Variants in IGSF9B observed in about 807,000 individuals in gnomAD.
IGSF9B encodes protein turtle homolog B.
Under a neutral mutation model 143.7 loss-of-function variants are expected in IGSF9B, and 48 were observed. That is an observed-to-expected ratio of 0.33 (90% CI 0.26 to 0.42). The LOEUF is 0.42. IGSF9B is among the 20% of genes least tolerant of loss of function. The probability of loss-of-function intolerance (pLI) is 1.00; values close to 1 mark genes in which losing one functional copy is unlikely to be tolerated. For synonymous variants in IGSF9B, 903 were observed against 833.1 expected (o/e 1.08, Z -1.44); for missense variants, 1,706 against 1,980.0 (o/e 0.86, Z 2.63).
chr11:133,956,642 G>A, intron 1 of IGSF9B, 49 bp downstream of exon 1: 1 of 1,326,416 alleles, frequency 7.5e-7, no homozygotes, highest in Non-Finnish European at 1.0e-6. Context: ...GGCGCGAGGG[G>A]CCGAGGGCGC....
chr11:133,922,092 A>G (rs890360378), intron 17 of IGSF9B, 85 bp downstream of exon 17: 1 of 1,132,358 alleles, frequency 8.8e-7, no homozygotes, highest in South Asian at 1.3e-5. Context: ...TAGAAACACT[A>G]ACATGGGGCT....
intron 7 of IGSF9B, among the ~76,000 whole-genome samples, chr11:133,934,648 G>A (rs1591719118): frequency 6.6e-6 from 1 of 152,104 alleles, no homozygotes; most frequent in East Asian, 2.0e-4. Context: ...CAGGCGCAGC[G>A]TGCTCCACCA....
intron 19 of IGSF9B, among the ~76,000 whole-genome samples, chr11:133,910,592 A>C (rs561042222): frequency 6.6e-6 from 1 of 152,294 alleles, no homozygotes; most frequent in South Asian, 2.1e-4. Flanking sequence ...GAGGCTGATC[A>C]ATAACTCTGC....
intron 18 of IGSF9B, among the ~76,000 whole-genome samples, chr11:133,915,228 G>C (rs1204103606): frequency 1.3e-5 from 2 of 148,476 alleles, no homozygotes; most frequent in East Asian, 4.0e-4. Flanking sequence ...TTGCAGTACA[G>C]AACTACCAAC....
Position 133,937,500 on chromosome 11 carries a change from G to A in IGSF9B, c.562-7C>T. On this transcript the variant is annotated splice_region_variant and splice_polypyrimidine_tract_variant and intron_variant, in intron 4 of 19. Transcript: ENST00000533871. Reference sequence around the variant, plus strand: ...TCAGGCTGCCGTCACTCACCTGGGAGCCCAAAACAGAGGGAGCTCAGCACC... The same window carrying A: ...TCAGGCTGCCGTCACTCACCTGGGAACCCAAAACAGAGGGAGCTCAGCACC... The A allele has an allele frequency of 1.2e-6, 2 of 1,609,772 alleles. No individual in the cohort carries two copies. The highest frequency in any genetic ancestry group is 1.7e-6 in the Non-Finnish European group (2 of 1,176,708).
chr11:133,931,989 G>A lies in IGSF9B; in HGVS notation c.1110+82C>T. The A allele has an allele frequency of 2.0e-6, 3 of 1,537,016 alleles. No homozygotes were observed. The highest frequency in any genetic ancestry group is 2.5e-5 in the South Asian group (2 of 79,308). Reference sequence around the variant, plus strand: ...CTTTTGGAAGGGGCCAGGAGTCCTGGCAGAAATCCAGAGCCCAGAGGTGGC... The same window carrying A: ...CTTTTGGAAGGGGCCAGGAGTCCTGACAGAAATCCAGAGCCCAGAGGTGGC... On this transcript the variant is annotated intron_variant, in intron 8 of 19. Coordinates refer to ENST00000533871, the MANE Select transcript of IGSF9B (RefSeq NM_001277285.4). This position sits in a 1 kb window ranked among gnomAD's most constrained non-coding sequence, Gnocchi z 7.7.
chr11:133,919,129 T>TAGGGGGGGGGGGG, intron 18 of IGSF9B: 1 of 174,382 alleles, frequency 5.7e-6, no homozygotes, highest in Non-Finnish European at 1.1e-5. Flanking sequence ...GGGGGGGGGG[T>TAGGGGGGGGGGGG]GGGGGACGTG....
At chr11:133,919,558 CT>C (rs1271961366) in intron 18 of IGSF9B, among the ~76,000 whole-genome samples, 183 bp downstream of exon 18, 1 of 152,208 alleles carries the variant, frequency 6.6e-6, no homozygotes, top group Non-Finnish European at 1.5e-5. Flanking sequence ...GGTGGGCCCG[CT>C]GCGCCCCAGC....
chr11:133,931,362 G>A lies in IGSF9B; in HGVS notation c.1368+91C>T. On this transcript the variant is annotated intron_variant, in intron 10 of 19. Transcript: ENST00000533871. The surrounding 1 kb of genome is among the most constrained non-coding windows in gnomAD (Gnocchi z 7.7). ...CCCTCACACCTCCCCTCAGCCCCGGGGCTCGCTGGGCCCTCAAACCTCCCC... is the reference window on the plus strand; with the variant it reads ...CCCTCACACCTCCCCTCAGCCCCGGAGCTCGCTGGGCCCTCAAACCTCCCC... The A allele has an allele frequency of 4.1e-6, 4 of 964,190 alleles. No individual in the cohort carries two copies. Among genetic ancestry groups the A allele is most frequent in the Non-Finnish European group, 4.7e-6 (3 of 632,776 alleles). 59.7% of individuals were successfully genotyped at this position (964,190 alleles called of 1,614,324 possible).
chr11:133,944,142 T>C, intron 3 of IGSF9B, 78 bp downstream of exon 3: 2 of 1,463,674 alleles, frequency 1.4e-6, no homozygotes, highest in South Asian at 1.4e-5. Flanking sequence ...GGGCTTCCCC[T>C]GGGGCAGGCC....
intron 15 of IGSF9B, 78 bp from the exon 16 acceptor site, chr11:133,922,808 GT>G: frequency 1.5e-6 from 2 of 1,331,568 alleles, no homozygotes; most frequent in Non-Finnish European, 2.0e-6. Context: ...GTCCCCAAGT[GT>G]TTCACCCTGC....
intron 19 of IGSF9B, among the ~76,000 whole-genome samples, chr11:133,911,680 T>C (rs1263559668): frequency 6.6e-6 from 1 of 152,186 alleles, no homozygotes; most frequent in Non-Finnish European, 1.5e-5. Flanking sequence ...GTTTTGTATA[T>C]GAAAATTATG....
At chr11:133,917,105 G>T (rs770467482) in intron 18 of IGSF9B, among the ~76,000 whole-genome samples, 23 of 152,158 alleles carry the variant, frequency 1.5e-4, no homozygotes, top group Non-Finnish European at 2.8e-4. Flanking sequence ...ACATCTCTAG[G>T]GGGGGAAGGC....
At position 133,925,950 on chromosome 11, in the gene IGSF9B, G is replaced by C. The variant is rs371345554; in HGVS notation, c.1823C>G (p.Thr608Ser). ...GGTGACCAGCACCAGGGGTTCTGGA[G>C]TTGTAATAGGGAATGCTGCGGCGGG... ...TVNTLAFPIT[T>S]PEPLVLVTPP... Residue 608 changes from threonine to serine, a missense_variant, in exon 14 of 20, where the codon ACT becomes AGT. Physicochemically the swap from Thr to Ser is moderately conservative, Grantham distance 58. Coordinates refer to ENST00000533871, the MANE Select transcript of IGSF9B (RefSeq NM_001277285.4). 3.1e-6 allele frequency: 5 copies of C among 1,602,496 alleles called. No individual in the cohort carries two copies. The highest frequency in any genetic ancestry group is 4.3e-6 in the Non-Finnish European group (5 of 1,174,242).
Position 133,931,193 on chromosome 11 carries a change from C to T in IGSF9B, c.1369-59G>A. On this transcript the variant is annotated intron_variant, in intron 10 of 19. Coordinates refer to ENST00000533871, the MANE Select transcript of IGSF9B (RefSeq NM_001277285.4). This position sits in a 1 kb window ranked among gnomAD's most constrained non-coding sequence, Gnocchi z 7.7. ...ACAGAAATGGGGGTTAGGAGAGAAG[C>T]CCGAAGCAGATGGGGAGGACGCGCC... The T allele has an allele frequency of 6.5e-7, 1 of 1,545,526 alleles. No homozygotes were observed. Among genetic ancestry groups the T allele is most frequent in the Non-Finnish European group, 8.8e-7 (1 of 1,135,668 alleles).
At chr11:133,919,130 G>GGGGGGGGGGGGGGGA in intron 18 of IGSF9B, 1 of 374,932 alleles carries the variant, frequency 2.7e-6, no homozygotes. Context: ...GGGGGGGGGT[G>GGGGGGGGGGGGGGGA]GGGGACGTGT....
At chr11:133,926,236 A>G (rs1939624987) in intron 13 of IGSF9B, among the ~76,000 whole-genome samples, 1 of 152,200 alleles carries the variant, frequency 6.6e-6, no homozygotes, top group Non-Finnish European at 1.5e-5. Flanking sequence ...GGAGCTAGGG[A>G]TATCTTCTTT....
intron 2 of IGSF9B, among the ~76,000 whole-genome samples, chr11:133,944,716 GATGAAAGAGAGA>G (rs1940013822): frequency 6.6e-6 from 1 of 152,238 alleles, no homozygotes; most frequent in Admixed American, 6.5e-5. Context: ...GCTGTGAAGA[GATGAAAGAGAGA>G]ATGAAAAAGT....
Position 133,908,966 on chromosome 11 carries a change from C to T in IGSF9B, c.*103G>A. On this transcript the variant is annotated 3_prime_UTR_variant, in exon 20 of 20. Transcript: ENST00000533871. ...AAGAGGGGGCATGCAGGACAAAGGT[C>T]TGGGCCGCCCTTGGCAGACGGAGGA... 9.8e-7 allele frequency: 1 copy of T among 1,022,866 alleles called. No individual in the cohort carries two copies. The highest frequency in any genetic ancestry group is 1.4e-6 in the Non-Finnish European group (1 of 700,802). The allele number at this position is 1,022,866 out of a possible 1,614,324, so 63.4% of individuals were successfully genotyped here.
Sources: gnomAD v4.1 joint callset for allele counts (sites outside exome capture counted in the v4.1 genomes callset) on GRCh38, gnomAD v4.1.1 for gene constraint, Gnocchi (gnomAD v3.1) non-coding constraint, MANE v1.5 for transcripts, NCBI Gene and HGNC (gene_info 2026-07-23, HGNC 2026-07-21) for gene names.